Variants in WEE1 observed in about 807,000 individuals in gnomAD.
WEE1 encodes the protein WEE1 G2 checkpoint kinase, also known as wee1-like protein kinase.
Under a neutral mutation model 68.8 loss-of-function variants are expected in WEE1, and 16 were observed. The observed-to-expected ratio is 0.23, with a 90% CI of 0.16 to 0.35. WEE1 has a LOEUF of 0.35. Among genes scored for constraint, WEE1 ranks in the 10% least tolerant of loss-of-function variants. The pLI, the probability that WEE1 is intolerant of heterozygous loss-of-function variation, is 1.00. For synonymous variants in WEE1, 349 were observed against 318.7 expected (o/e 1.09, Z -1.01); for missense variants, 651 against 824.1 (o/e 0.79, Z 2.57).
chr11:9,575,799 C>T (rs536796841), intron 1 of WEE1, 89 bp from the exon 2 acceptor site: 1 of 1,120,802 alleles, frequency 8.9e-7, no homozygotes, highest in South Asian at 1.4e-5. Context: ...CGCATTCAGC[C>T]CTATGAAAGG....
chr11:9,589,093 G>T lies in WEE1; in HGVS notation c.*491G>T, dbSNP rs1335206258. The T allele has an allele frequency of 1.0e-6, 1 of 985,524 alleles. No homozygotes were observed. Among genetic ancestry groups the T allele is most frequent in the Non-Finnish European group, 1.2e-6 (1 of 829,924 alleles). 61.0% of individuals were successfully genotyped at this position (985,524 alleles called of 1,614,324 possible). ...ATATCCCACTGGGAGCACTTTGTAGGCATTGCATGAACCATGGGATGATGA... is the reference window on the plus strand; with the variant it reads ...ATATCCCACTGGGAGCACTTTGTAGTCATTGCATGAACCATGGGATGATGA... On this transcript the variant is annotated 3_prime_UTR_variant, in exon 11 of 11. Coordinates refer to ENST00000450114, the MANE Select transcript of WEE1 (RefSeq NM_003390.4).
Position 9,576,387 on chromosome 11 carries a change from A to T in WEE1, c.846+94A>T. ...GTTAATAAGCATTAACACATAAGGT[A>T]GAATGGTTTTTAAATTTCACACATA... On this transcript the variant is annotated intron_variant, in intron 3 of 10. Coordinates refer to ENST00000450114, the MANE Select transcript of WEE1 (RefSeq NM_003390.4). This position sits in a 1 kb window ranked among gnomAD's most constrained non-coding sequence, Gnocchi z 4.3. 2 of 1,548,482 alleles carry T rather than the reference A, an allele frequency of 1.3e-6. No individual in the cohort carries two copies. Among genetic ancestry groups the T allele is most frequent in the Non-Finnish European group, 1.7e-6 (2 of 1,145,242 alleles).
In WEE1 at chr11:9,576,696, C is replaced by G; in HGVS notation, c.1019+37C>G. 6.3e-7 allele frequency: 1 copy of G among 1,579,406 alleles called. No individual in the cohort carries two copies. Among genetic ancestry groups the G allele is most frequent in the Non-Finnish European group, 8.6e-7 (1 of 1,165,802 alleles). Reference sequence around the variant, plus strand: ...ACATTTTGTCTTTTGCTCTTTTGTCCCCTATGGTGTTACTAACATTAAGGT... The same window carrying G: ...ACATTTTGTCTTTTGCTCTTTTGTCGCCTATGGTGTTACTAACATTAAGGT... On this transcript the variant is annotated intron_variant, in intron 4 of 10. Coordinates refer to ENST00000450114, the MANE Select transcript of WEE1 (RefSeq NM_003390.4). This position sits in a 1 kb window ranked among gnomAD's most constrained non-coding sequence, Gnocchi z 4.3.
chr11:9,588,391 G>A, intron 10 of WEE1, 58 bp from the exon 11 acceptor site: 1 of 1,241,324 alleles, frequency 8.1e-7, no homozygotes, highest in Non-Finnish European at 1.1e-6. Context: ...TATAGTTTGT[G>A]TTAGTTTCTT....
intron 1 of WEE1, chr11:9,575,121 A>C: frequency 1.0e-6 from 1 of 985,508 alleles, no homozygotes; most frequent in African/African-American, 1.7e-5. Context: ...GTTTCTGGAC[A>C]AGGTCTTGGC....
chr11:9,589,234 T>A lies in WEE1; in HGVS notation c.*632T>A. 1 of 985,670 alleles carries A rather than the reference T, an allele frequency of 1.0e-6. No homozygotes were observed. 61.1% of individuals were successfully genotyped at this position (985,670 alleles called of 1,614,324 possible). A position where few individuals can be genotyped will look rare whatever the true frequency, so the allele number is the denominator to read the frequency against. On this transcript the variant is annotated 3_prime_UTR_variant, in exon 11 of 11. Transcript: ENST00000450114. ...AGGTCTTCTTTTTGAAACAATTATG[T>A]GAAATGTATAGCTGCTTTTGATGAA...
intron 5 of WEE1, chr11:9,577,988 G>A: frequency 2.3e-6 from 1 of 440,198 alleles, no homozygotes; most frequent in Non-Finnish European, 4.5e-6. Flanking sequence ...ATGGACGTCT[G>A]TCATTATTAT....
chr11:9,574,851 C>G lies in WEE1; in HGVS notation c.576+342C>G. On this transcript the variant is annotated intron_variant, in intron 1 of 10. Coordinates refer to ENST00000450114, the MANE Select transcript of WEE1 (RefSeq NM_003390.4). The surrounding 1 kb of genome is among the most constrained non-coding windows in gnomAD (Gnocchi z 4.9). ...CGGTTCGCGAGGATGCTGGAGGGTG[C>G]CGGCCCGGCCACCTGACACTCCCGA... The G allele has an allele frequency of 1.0e-6, 1 of 990,422 alleles. No individual in the cohort carries two copies. Among genetic ancestry groups the G allele is most frequent in the Non-Finnish European group, 1.2e-6 (1 of 833,244 alleles). The allele number at this position is 990,422 out of a possible 1,614,324, so 61.4% of individuals were successfully genotyped here. A position where few individuals can be genotyped will look rare whatever the true frequency, so the allele number is the denominator to read the frequency against.
chr11:9,573,898 C>T lies in WEE1; in HGVS notation c.-36C>T. ...CAGTGTCCTGGACCCCGCAGGCCTC[C>T]GCTCTCCTGTCCTCGGCCCCGTCCC... is the stretch of plus-strand genomic sequence containing the variant. On this transcript the variant is annotated 5_prime_UTR_variant, in exon 1 of 11. Transcript: ENST00000450114. 2.4e-6 allele frequency: 3 copies of T among 1,228,508 alleles called. No individual in the cohort carries two copies. The highest frequency in any genetic ancestry group is 3.0e-6 in the Non-Finnish European group (3 of 984,924). 76.1% of individuals were successfully genotyped at this position (1,228,508 alleles called of 1,614,324 possible). A position where few individuals can be genotyped will look rare whatever the true frequency, so the allele number is the denominator to read the frequency against.
intron 6 of WEE1, among the ~76,000 whole-genome samples, chr11:9,583,318 A>C (rs1411800253): frequency 1.3e-5 from 2 of 151,756 alleles, no homozygotes; most frequent in East Asian, 3.9e-4. Flanking sequence ...GTCTCAAAAA[A>C]AGAAAAAAAA....
intron 6 of WEE1, among the ~76,000 whole-genome samples, chr11:9,584,579 A>C (rs1849679782): frequency 6.6e-6 from 1 of 152,202 alleles, no homozygotes; most frequent in Non-Finnish European, 1.5e-5. Flanking sequence ...GCCATATTGC[A>C]AGGTAGATGC....
intron 6 of WEE1, among the ~76,000 whole-genome samples, chr11:9,583,675 A>G (rs1378480680): frequency 1.3e-5 from 2 of 150,170 alleles, no homozygotes; most frequent in African/African-American, 4.9e-5. Flanking sequence ...TGTCCTATAA[A>G]GAAAGTAAAA....
chr11:9,579,239 C>T (rs1379251206), intron 5 of WEE1: 3 of 152,144 alleles, frequency 2.0e-5, no homozygotes, highest in African/African-American at 7.2e-5. Flanking sequence ...GGCTATTTGT[C>T]CTACTTAGAT....
At position 9,574,903 on chromosome 11, in the gene WEE1, G is replaced by A; in HGVS notation, c.576+394G>A. 1 of 985,680 alleles carries A rather than the reference G, an allele frequency of 1.0e-6. No individual in the cohort carries two copies. The highest frequency in any genetic ancestry group is 1.2e-6 in the Non-Finnish European group (1 of 830,364). 61.1% of individuals were successfully genotyped at this position (985,680 alleles called of 1,614,324 possible). On this transcript the variant is annotated intron_variant, in intron 1 of 10. Coordinates refer to ENST00000450114, the MANE Select transcript of WEE1 (RefSeq NM_003390.4). This position sits in a 1 kb window ranked among gnomAD's most constrained non-coding sequence, Gnocchi z 4.9. The stretch of plus-strand genomic sequence containing the variant: ...CCATAGGATGCCTTTTAAACGCGGC[G>A]ATCGGGCCTGTAATTTGGGCGGCGC...
chr11:9,573,763 C>T lies in WEE1; in HGVS notation c.-171C>T, dbSNP rs1849530551. 1.7e-5 allele frequency: 6 copies of T among 359,158 alleles called. No individual in the cohort carries two copies. The highest frequency in any genetic ancestry group is 2.1e-5 in the Non-Finnish European group (5 of 238,270). The allele number at this position is 359,158 out of a possible 1,614,324, so 22.2% of individuals were successfully genotyped here. A position where few individuals can be genotyped will look rare whatever the true frequency, so the allele number is the denominator to read the frequency against. ...GGAAAGTCCGCGCCGCCGCTGCCGC[C>T]ACCGTCCGCAGCCCGAGCGCCCCGG... On this transcript the variant is annotated 5_prime_UTR_variant, in exon 1 of 11. Coordinates refer to ENST00000450114, the MANE Select transcript of WEE1 (RefSeq NM_003390.4).
chr11:9,586,515 G>A lies in WEE1; in HGVS notation c.1537G>A (p.Ala513Thr), dbSNP rs764207549. 19 of 1,613,964 alleles carry A rather than the reference G, an allele frequency of 1.2e-5. No homozygotes were observed. The highest frequency in any genetic ancestry group is 1.6e-4 in the Middle Eastern group (1 of 6,080). The stretch of plus-strand genomic sequence containing the variant: ...CCTCACAGTGGTATGTGCTGCTGGT[G>A]CTGAACCTCTTCCGAGAAATGGAGA... ...LALTVVCAAG[A>T]EPLPRNGDQW... The change falls in exon 9 of 11, where the codon GCT (alanine) becomes ACT (threonine). Residue 513 changes from alanine (A) to threonine (T), a missense_variant. Ala to Thr is a moderately conservative substitution (Grantham distance 58, BLOSUM62 0). This residue lies in a region of WEE1 where 18 missense variants were observed against 54.3 expected (regional missense o/e 0.33). Transcript: ENST00000450114.
rs760413867 is a variant in WEE1 at position 9,589,863 on chromosome 11, A to C, written c.*1261A>C. On this transcript the variant is annotated 3_prime_UTR_variant, in exon 11 of 11. Transcript: ENST00000450114. ...ATGTACTATTATAAAAGCAGAGGGCACATTTTGATTGAATATGAATATCAC... is the reference window on the plus strand; with the variant it reads ...ATGTACTATTATAAAAGCAGAGGGCCCATTTTGATTGAATATGAATATCAC... The C allele has an allele frequency of 3.0e-5, 10 of 337,314 alleles. No individual in the cohort carries two copies. Among genetic ancestry groups the C allele is most frequent in the South Asian group, 1.2e-4 (1 of 8,458 alleles). The allele number at this position is 337,314 out of a possible 1,614,324, so 20.9% of individuals were successfully genotyped here. A position where few individuals can be genotyped will look rare whatever the true frequency, so the allele number is the denominator to read the frequency against.
At position 9,576,212 on chromosome 11, in the gene WEE1, A is replaced by G; in HGVS notation, c.783-18A>G. 1 of 1,551,266 alleles carries G rather than the reference A, an allele frequency of 6.4e-7. No homozygotes were observed. Among genetic ancestry groups the G allele is most frequent in the Non-Finnish European group, 8.8e-7 (1 of 1,141,814 alleles). ...GTATCTGTCAGATATATTGATAGAA[A>G]AATAACATTTTTTTTAGTTCCTGTG... On this transcript the variant is annotated intron_variant, in intron 2 of 10. Transcript: ENST00000450114. The surrounding 1 kb of genome is among the most constrained non-coding windows in gnomAD (Gnocchi z 4.3).
rs113333758 is a variant in WEE1, at chr11:9,576,363, T to G, written c.846+70T>G. 5.7e-4 allele frequency: 872 copies of G among 1,537,684 alleles called. No individual in the cohort carries two copies. Among genetic ancestry groups the G allele is most frequent in the Non-Finnish European group, 7.0e-4 (800 of 1,138,180 alleles). ...CCACTTAAAGCATGCTATGAATATG[T>G]TAATAAGCATTAACACATAAGGTAG... On this transcript the variant is annotated intron_variant, in intron 3 of 10. Transcript: ENST00000450114. The surrounding 1 kb of genome is among the most constrained non-coding windows in gnomAD (Gnocchi z 4.3).
Sources: gnomAD v4.1 joint callset for allele counts (sites outside exome capture counted in the v4.1 genomes callset) on GRCh38, gnomAD v4.1.1 for gene constraint, gnomAD v4.1.1 regional missense constraint, Gnocchi (gnomAD v3.1) non-coding constraint, MANE v1.5 for transcripts, NCBI Gene and HGNC (gene_info 2026-07-23, HGNC 2026-07-21) for gene names.